Variants in GPC3 observed in about 807,000 individuals in gnomAD.
GPC3 encodes glypican-3.
Under a neutral mutation model 34.4 loss-of-function variants are expected in GPC3, and 3 were observed. That is an observed-to-expected ratio of 0.09 (90% CI 0.04 to 0.23). GPC3 has a LOEUF of 0.23. Ranked by LOEUF, GPC3 falls within the 10% of genes least tolerant of loss-of-function variation. The pLI is 1.00. For missense variants in GPC3, 351 were observed against 445.6 expected (o/e 0.79, Z 1.91); for synonymous variants, 177 against 174.0 (o/e 1.02, Z -0.13).
chrX:133,608,597 A>G (rs761777731), intron 6 of GPC3, among the ~76,000 whole-genome samples: 3 of 112,333 alleles, frequency 2.7e-5, no homozygotes, highest in Non-Finnish European at 3.8e-5. Context: ...GCCTCTAAAA[A>G]TAACATCTGT....
intron 2 of GPC3, among the ~76,000 whole-genome samples, chrX:133,908,223 T>G (rs138300873): frequency 0.028 from 3,134 of 111,909 alleles, 49 homozygotes; most frequent in Non-Finnish European, 0.04. Flanking sequence ...GTTTTTTAAT[T>G]TAATGACTAT....
chrX:133,641,041 A>G (rs2070476012), intron 6 of GPC3, among the ~76,000 whole-genome samples: 2 of 109,573 alleles, frequency 1.8e-5, no homozygotes, highest in Admixed American at 9.8e-5. Flanking sequence ...GTGTTTGTGG[A>G]AGAAATAGAA....
At chrX:133,696,090 C>A (rs1442021376) in intron 4 of GPC3, among the ~76,000 whole-genome samples, 3 of 110,472 alleles carry the variant, frequency 2.7e-5, no homozygotes, top group Non-Finnish European at 3.8e-5. Context: ...GCACAGTTCT[C>A]AAACTGGTCA....
intron 3 of GPC3, among the ~76,000 whole-genome samples, chrX:133,721,512 G>C (rs1430841002): frequency 1.8e-5 from 2 of 111,429 alleles, no homozygotes; most frequent in South Asian, 3.8e-4. Flanking sequence ...AAAAAGCCCA[G>C]GTCCAGAGGC....
At chrX:133,868,601 T>A (rs1337027454) in intron 2 of GPC3, among the ~76,000 whole-genome samples, 1 of 111,626 alleles carries the variant, frequency 9.0e-6, no homozygotes, top group Non-Finnish European at 1.9e-5. Context: ...AAGATAATAC[T>A]AAGTAATAGG....
At chrX:133,709,009 G>C (rs183173704) in intron 3 of GPC3, among the ~76,000 whole-genome samples, 56 of 111,625 alleles carry the variant, frequency 5.0e-4, no homozygotes, top group African/African-American at 1.6e-3. Flanking sequence ...TTCTCATTTA[G>C]TTACTTCAAT....
intron 1 of GPC3, among the ~76,000 whole-genome samples, chrX:133,984,461 C>T (rs191753718): frequency 1.6e-4 from 18 of 112,023 alleles, no homozygotes; most frequent in African/African-American, 5.2e-4. Flanking sequence ...TACGTCGTTA[C>T]GGCACGATCT....
chrX:133,555,562 T>C (rs1322036513), intron 7 of GPC3, among the ~76,000 whole-genome samples: 1 of 111,810 alleles, frequency 8.9e-6, no homozygotes, highest in East Asian at 2.8e-4. Flanking sequence ...GTGTGGTGGC[T>C]CAAGCCTGTA....
At chrX:133,911,034 T>C (rs1048655949) in intron 2 of GPC3, among the ~76,000 whole-genome samples, 10 of 112,023 alleles carry the variant, frequency 8.9e-5, no homozygotes, top group African/African-American at 3.2e-4. Flanking sequence ...GAAAACACTC[T>C]CTGTACTATG....
At chrX:133,680,121 G>A (rs1263208526) in intron 5 of GPC3, among the ~76,000 whole-genome samples, 2 of 112,126 alleles carry the variant, frequency 1.8e-5, no homozygotes, top group Admixed American at 9.4e-5. Context: ...AAGAGATAAT[G>A]TTAAGGATAA....
At chrX:133,767,198 G>T (rs1224592633) in intron 2 of GPC3, among the ~76,000 whole-genome samples, 1 of 111,356 alleles carries the variant, frequency 9.0e-6, no homozygotes, top group Non-Finnish European at 1.9e-5. Flanking sequence ...TGGCTACACT[G>T]GGTCTACTAA....
rs905957685 is a variant in GPC3 at position 133,697,840 on chromosome X, G to A, written c.1166+2055C>T. Reference sequence around the variant, plus strand: ...GAGTAGGCATTGATTTTGGACTAGGGGAGCTGAGGTCAGCTTTTGTTCTTT... The same window carrying A: ...GAGTAGGCATTGATTTTGGACTAGGAGAGCTGAGGTCAGCTTTTGTTCTTT... On this transcript the variant is annotated intron_variant, in intron 4 of 7. Transcript: ENST00000370818. 3.6e-5 allele frequency among the ~76,000 whole-genome samples: 4 copies of A among 112,096 alleles called. No homozygotes were observed. In the Admixed American group the frequency reaches 3.8e-4, roughly 11 times the overall value.
At chrX:133,979,671 C>T (rs2076530441) in intron 1 of GPC3, among the ~76,000 whole-genome samples, 1 of 111,691 alleles carries the variant, frequency 9.0e-6, no homozygotes, top group African/African-American at 3.3e-5. Flanking sequence ...TTCTCCCTGT[C>T]ATTATGTCTC....
At chrX:133,850,194 G>GGTTTTTTTTT (rs2075866454) in intron 2 of GPC3, among the ~76,000 whole-genome samples, 4 of 68,004 alleles carry the variant, frequency 5.9e-5, no homozygotes, top group African/African-American at 2.3e-4. Context: ...TTTGGGTTTT[G>GGTTTTTTTTT]TTTTTTTTTT....
intron 3 of GPC3, among the ~76,000 whole-genome samples, 164 bp downstream of exon 3, chrX:133,753,318 C>T (rs1015310298): frequency 1.8e-5 from 2 of 111,386 alleles, no homozygotes; most frequent in African/African-American, 6.5e-5. Flanking sequence ...GATTGCATAG[C>T]CTGTGGTCTT....
At chrX:133,624,473 G>C (rs1203399347) in intron 6 of GPC3, among the ~76,000 whole-genome samples, 1 of 111,281 alleles carries the variant, frequency 9.0e-6, no homozygotes, top group African/African-American at 3.3e-5. Context: ...AATGATAAAG[G>C]GGATAACATC....
At chrX:133,620,978 G>A (rs922908290) in intron 6 of GPC3, among the ~76,000 whole-genome samples, 5 of 111,245 alleles carry the variant, frequency 4.5e-5, no homozygotes, top group African/African-American at 1.6e-4. Flanking sequence ...CAACCACCTT[G>A]GGTACACATT....
intron 1 of GPC3, among the ~76,000 whole-genome samples, chrX:133,962,144 A>G (rs1443533187): frequency 1.8e-5 from 2 of 111,931 alleles, no homozygotes; most frequent in African/African-American, 6.5e-5. Context: ...ACTACTCGTT[A>G]TCTTTGGACT....
At chrX:133,846,352 CAT>C (rs2075847039) in intron 2 of GPC3, among the ~76,000 whole-genome samples, 1 of 111,829 alleles carries the variant, frequency 8.9e-6, no homozygotes, top group Admixed American at 9.5e-5. Context: ...ACCTCGAAAA[CAT>C]AACTTTTCTT....
Sources: allele counts gnomAD v4.1 joint callset (sites outside exome capture counted in the v4.1 genomes callset), GRCh38; gene constraint gnomAD v4.1.1; transcripts MANE v1.5; gene names NCBI Gene and HGNC (gene_info 2026-07-23, HGNC 2026-07-21).